The following PLA2R1 variants were observed in gnomAD, a reference collection of about 807,000 sequenced individuals.
The protein encoded by PLA2R1 is secretory phospholipase A2 receptor.
PLA2R1 carries 158 observed loss-of-function variants against 195.9 expected under a neutral mutation model. The observed-to-expected ratio is 0.81, with a 90% CI of 0.71 to 0.92. The LOEUF (loss-of-function observed/expected upper bound fraction) is 0.92, where lower values mean the gene tolerates loss of function less well. Ranked by LOEUF, PLA2R1 falls within the 40% of genes least tolerant of loss-of-function variation. The pLI is 0.00. For missense variants in PLA2R1, 1,626 were observed against 1,764.6 expected, an observed-to-expected ratio of 0.92 and a Z score of 1.41; for synonymous variants, 586 against 598.2, an observed-to-expected ratio of 0.98 and a Z score of 0.30.
At position 159,946,704 on chromosome 2, in the gene PLA2R1, G is replaced by A. The variant is rs924216912; in HGVS notation, c.3967+97C>T. 10 of 1,445,702 alleles carry A rather than the reference G, an allele frequency of 6.9e-6. No individual in the cohort carries two copies. The African/African-American group carries it at 1.2e-4, about 17-fold the overall frequency. 89.6% of individuals were successfully genotyped at this position (1,445,702 alleles called of 1,614,324 possible). On this transcript the variant is annotated intron_variant, in intron 27 of 29. Transcript: ENST00000283243. ...TTCATGCTATTTTTTCTCAGAAAAC[G>A]TATCCAAGGAGAGTTTTCTGGCTCA...
At chr2:159,967,192 C>T (rs188769480) in intron 20 of PLA2R1, among the ~76,000 whole-genome samples, 2 of 152,138 alleles carry the variant, frequency 1.3e-5, no homozygotes, top group East Asian at 3.9e-4. Context: ...CACGCACGCA[C>T]ATGAGCACAC....
At chr2:160,010,030 A>G (rs1156326796) in intron 10 of PLA2R1, among the ~76,000 whole-genome samples, 1 of 152,172 alleles carries the variant, frequency 6.6e-6, no homozygotes, top group East Asian at 1.9e-4. Flanking sequence ...GGATTACTTG[A>G]GCCCAGGAGG....
At chr2:159,924,901 G>A in the PLA2R1 span, among the ~76,000 whole-genome samples, 2 of 152,044 alleles carry the variant, frequency 1.3e-5, no homozygotes, top group African/African-American at 2.4e-5. Flanking sequence ...TGTATGTCAC[G>A]GTACGTTCCA....
chr2:160,037,492 G>A (rs1333332395), intron 3 of PLA2R1, among the ~76,000 whole-genome samples: 1 of 152,166 alleles, frequency 6.6e-6, no homozygotes, highest in Non-Finnish European at 1.5e-5. Flanking sequence ...AGGGCTGGGG[G>A]TGGAGGAGCA....
intron 11 of PLA2R1, among the ~76,000 whole-genome samples, chr2:159,995,138 C>T (rs1341083247): frequency 6.6e-6 from 1 of 152,062 alleles, no homozygotes; most frequent in African/African-American, 2.4e-5. Context: ...TAGGTAGTGT[C>T]TCTGCAAGCT....
intron 27 of PLA2R1, 170 bp downstream of exon 27, chr2:159,946,631 G>A: frequency 3.0e-6 from 4 of 1,346,376 alleles, no homozygotes; most frequent in Non-Finnish European, 1.9e-6. Context: ...AGACAAAAGG[G>A]TAAAGAAAAG....
chr2:159,983,037 G>A (rs1690068740), intron 13 of PLA2R1, among the ~76,000 whole-genome samples: 1 of 152,144 alleles, frequency 6.6e-6, no homozygotes, highest in African/African-American at 2.4e-5. Context: ...CAAAGTGAGA[G>A]GCCAAACTCG....
chr2:159,971,047 C>T (rs1574700809), intron 17 of PLA2R1, among the ~76,000 whole-genome samples: 1 of 151,974 alleles, frequency 6.6e-6, no homozygotes, highest in South Asian at 2.1e-4. Flanking sequence ...CATATGTATA[C>T]CTATGTAACA....
At chr2:160,022,908 A>G in intron 6 of PLA2R1, 49 bp from the exon 7 acceptor site, 1 of 1,255,122 alleles carries the variant, frequency 8.0e-7, no homozygotes, top group Non-Finnish European at 1.1e-6. Flanking sequence ...TTATTTTAAC[A>G]TTACTTATTA....
At chr2:160,035,423 C>A (rs1484493890) in intron 3 of PLA2R1, among the ~76,000 whole-genome samples, 1 of 152,190 alleles carries the variant, frequency 6.6e-6, no homozygotes, top group Non-Finnish European at 1.5e-5. Context: ...GTATACTTAG[C>A]CCCTGTATCC....
intron 9 of PLA2R1, among the ~76,000 whole-genome samples, chr2:160,014,607 G>A (rs1692609470): frequency 6.6e-6 from 1 of 152,104 alleles, no homozygotes; most frequent in African/African-American, 2.4e-5. Context: ...ATTCTTGCCA[G>A]CTTTTGATCA....
chr2:160,035,257 T>C (rs17830940), intron 3 of PLA2R1, among the ~76,000 whole-genome samples: 53,791 of 152,114 alleles, frequency 0.35, 11,849 homozygotes, highest in Non-Finnish European at 0.5. Flanking sequence ...CCTCCAGGAA[T>C]CTCATTTGTA....
rs1018632150 is a variant in PLA2R1, at chr2:160,001,438, A to G, written c.1834+4214T>C. Among the ~76,000 whole-genome samples the G allele has an allele frequency of 2.0e-5, 3 of 152,188 alleles. No individual in the cohort carries two copies. The South Asian group carries it at 6.2e-4, about 32-fold the overall frequency. On this transcript the variant is annotated intron_variant, in intron 11 of 29. Coordinates refer to ENST00000283243, the MANE Select transcript of PLA2R1 (RefSeq NM_007366.5). ...CAGGATAAATGGAAAGGACATAATA[A>G]AATGGAAGAAATAAATCCAATTCTA...
chr2:160,024,041 C>G (rs878960968), intron 6 of PLA2R1, among the ~76,000 whole-genome samples: 4 of 151,830 alleles, frequency 2.6e-5, no homozygotes, highest in Admixed American at 6.5e-5. Context: ...CTGCAGCCCC[C>G]ACAGGCACTA....
At chr2:160,023,566 T>C (rs1336344523) in intron 6 of PLA2R1, among the ~76,000 whole-genome samples, 1 of 152,190 alleles carries the variant, frequency 6.6e-6, no homozygotes, top group Non-Finnish European at 1.5e-5. Context: ...ATCTACCCCT[T>C]GTTTAGCATA....
At position 160,042,051 on chromosome 2, in the gene PLA2R1, T is replaced by C. The variant is rs1694551771; in HGVS notation, c.641A>G (p.Glu214Gly). The C allele has an allele frequency of 1.2e-6, 2 of 1,614,028 alleles. No homozygotes were observed. The highest frequency in any genetic ancestry group is 1.7e-6 in the Non-Finnish European group (2 of 1,179,856). Residue 214 changes from glutamate to glycine, a missense_variant, in exon 3 of 30, where the codon GAA becomes GGA. Glu to Gly is a moderately conservative substitution (Grantham distance 98, BLOSUM62 -2). Transcript: ENST00000283243. ...CATTSRYERD[E>G]KWGFCPDPTS... ...GGGATCAGGGCAAAATCCCCACTTT[T>C]CATCTCTTTCATAACGGCTTGTCGT...
intron 3 of PLA2R1, among the ~76,000 whole-genome samples, chr2:160,041,361 T>C (rs993385372): frequency 8.5e-5 from 13 of 152,126 alleles, no homozygotes; most frequent in Non-Finnish European, 1.3e-4. Flanking sequence ...AATTGGAAAC[T>C]TTTTAGCTAA....
intron 11 of PLA2R1, among the ~76,000 whole-genome samples, chr2:159,987,756 CAG>C (rs1328256074): frequency 6.6e-6 from 1 of 152,108 alleles, no homozygotes; most frequent in African/African-American, 2.4e-5. Flanking sequence ...CTGGATTCAA[CAG>C]GGGAAAATAG....
intron 20 of PLA2R1, among the ~76,000 whole-genome samples, chr2:159,961,130 TAAAGG>T (rs1404964486): frequency 6.6e-6 from 1 of 152,166 alleles, no homozygotes; most frequent in African/African-American, 2.4e-5. Flanking sequence ...CTTTTAAAAA[TAAAGG>T]AAAGTGTTGA....
Sources: gnomAD v4.1 joint callset for allele counts (sites outside exome capture counted in the v4.1 genomes callset) on GRCh38, gnomAD v4.1.1 for gene constraint, MANE v1.5 for transcripts, NCBI Gene and HGNC (gene_info 2026-07-23, HGNC 2026-07-21) for gene names.